AP5Z1: variants seen among roughly 807,000 people sequenced by gnomAD.
AP5Z1 encodes AP-5 complex subunit zeta-1.
A neutral mutation model predicts 83.0 loss-of-function variants in AP5Z1; 106 were observed. That is an observed-to-expected ratio of 1.28 (90% CI 1.09 to 1.50). The LOEUF is 1.50. Ranked by LOEUF, AP5Z1 falls within the 40% of genes most tolerant of loss-of-function variation. The probability of loss-of-function intolerance (pLI) is 0.00; values close to 1 mark genes in which losing one functional copy is unlikely to be tolerated. For missense variants in AP5Z1, 1,565 were observed against 1,094.2 expected, an observed-to-expected ratio of 1.43 and a Z score of -6.07; for synonymous variants, 751 against 514.1, an observed-to-expected ratio of 1.46 and a Z score of -6.23.
intron 5 of AP5Z1, 101 bp from the exon 6 acceptor site, chr7:4,784,102 T>A: frequency 1.4e-6 from 2 of 1,383,476 alleles, no homozygotes. Flanking sequence ...GGGCTCATGT[T>A]CAGGCAGCTT....
chr7:4,790,179 C>G, intron 14 of AP5Z1: 1 of 1,535,882 alleles, frequency 6.5e-7, no homozygotes, highest in Non-Finnish European at 8.7e-7. Context: ...GGTCCCTCTT[C>G]CCCGTCTTGT....
rs1034096459 is a variant in AP5Z1, at chr7:4,781,451, C to T, written c.180-117C>T. 17 of 1,532,664 alleles carry T rather than the reference C, an allele frequency of 1.1e-5. No individual in the cohort carries two copies. The Admixed American group carries it at 1.7e-4, about 15-fold the overall frequency. 94.9% of individuals were successfully genotyped at this position (1,532,664 alleles called of 1,614,324 possible). A position where few individuals can be genotyped will look rare whatever the true frequency, so the allele number is the denominator to read the frequency against. Reference sequence around the variant, plus strand: ...TAAACCAGTGCTGAAGGTCCATCCTCATGTAAAATGCTCTGTCCACTGGCC... The same window carrying T: ...TAAACCAGTGCTGAAGGTCCATCCTTATGTAAAATGCTCTGTCCACTGGCC... On this transcript the variant is annotated intron_variant, in intron 2 of 16. Coordinates refer to ENST00000649063, the MANE Select transcript of AP5Z1 (RefSeq NM_014855.3).
Position 4,775,689 on chromosome 7 carries a change from T to A in AP5Z1, c.-27T>A, listed in dbSNP as rs1490822755. The A allele has an allele frequency of 6.2e-7, 1 of 1,606,540 alleles. No individual in the cohort carries two copies. Among genetic ancestry groups the A allele is most frequent in the Non-Finnish European group, 8.5e-7 (1 of 1,179,688 alleles). On this transcript the variant is annotated 5_prime_UTR_variant, in exon 1 of 17. Coordinates refer to ENST00000649063, the MANE Select transcript of AP5Z1 (RefSeq NM_014855.3). ...CTGCAGCTCCTGGAGTTTCCGAGGT[T>A]CGTGCGCGTCTGGTGGCGGCGGCGT... is the stretch of plus-strand genomic sequence containing the variant.
At chr7:4,778,254 C>A (rs1781277209) in intron 1 of AP5Z1, among the ~76,000 whole-genome samples, 1 of 152,098 alleles carries the variant, frequency 6.6e-6, no homozygotes, top group Non-Finnish European at 1.5e-5. Flanking sequence ...TTGGAGTGAA[C>A]TTTAGTTTCT....
intron 9 of AP5Z1, 35 bp from the exon 10 acceptor site, chr7:4,786,215 C>G (rs761323893): frequency 1.9e-6 from 3 of 1,562,176 alleles, no homozygotes; most frequent in African/African-American, 2.7e-5. Flanking sequence ...AGGGCGAGGT[C>G]AAGACGTGTG....
Position 4,788,897 on chromosome 7 carries a change from G to C in AP5Z1, c.1653G>C (p.Gln551His). 2 of 1,611,212 alleles carry C rather than the reference G, an allele frequency of 1.2e-6. No homozygotes were observed. Among genetic ancestry groups the C allele is most frequent in the Non-Finnish European group, 1.7e-6 (2 of 1,179,418 alleles). The change falls in exon 13 of 17, where the codon CAG (glutamine) becomes CAC (histidine). Residue 551 changes from glutamine (Q) to histidine (H), a missense_variant. By Grantham distance (24) the Gln-to-His change is conservative. Coordinates refer to ENST00000649063, the MANE Select transcript of AP5Z1 (RefSeq NM_014855.3). ...QPMAGCARVA[Q>H]CAQAVPTLLQ... ...TGGCCGGCTGTGCCCGCGTGGCCCA[G>C]TGTGCCCAGGCCGTGCCCACGCTGC...
chr7:4,785,269 G>C (rs1227976627), intron 7 of AP5Z1, 146 bp from the exon 8 acceptor site: 2 of 1,294,958 alleles, frequency 1.5e-6, no homozygotes, highest in Non-Finnish European at 2.1e-6. Flanking sequence ...TGGGCCCCTC[G>C]CCTCAGTCCC....
At position 4,792,385 on chromosome 7, in the gene AP5Z1, G is replaced by GCCCCCAAT. The variant is rs1420462579; in HGVS notation, c.*1007_*1014dup. On this transcript the variant is annotated 3_prime_UTR_variant, in exon 17 of 17. Transcript: ENST00000649063. ...CCACCTCCCCTCCGGCCTCGGCCCC[G>GCCCCCAAT]CCCCCAATCCCCCATAGCTCTGCGA... The GCCCCCAAT allele has an allele frequency of 7.5e-4, 21 of 28,050 alleles. No individual in the cohort carries two copies. The highest frequency in any genetic ancestry group is 3.0e-3 in the African/African-American group (21 of 6,900). The allele number at this position is 28,050 out of a possible 1,614,324, so 1.7% of individuals were successfully genotyped here. A position where few individuals can be genotyped will look rare whatever the true frequency, so the allele number is the denominator to read the frequency against.
chr7:4,785,801 C>G, intron 9 of AP5Z1, 117 bp downstream of exon 9: 3 of 1,307,094 alleles, frequency 2.3e-6, no homozygotes, highest in Non-Finnish European at 3.0e-6. Flanking sequence ...AGACAGGGGT[C>G]TTGCTGTGTT....
rs1426434573 is a variant in AP5Z1 at position 4,792,433 on chromosome 7, C to G, written c.*1048C>G. 3 of 149,680 alleles carry G rather than the reference C, an allele frequency of 2.0e-5. No individual in the cohort carries two copies. In the East Asian group the frequency reaches 6.0e-4, roughly 30 times the overall value. 9.3% of individuals were successfully genotyped at this position (149,680 alleles called of 1,614,324 possible). A position where few individuals can be genotyped will look rare whatever the true frequency, so the allele number is the denominator to read the frequency against. On this transcript the variant is annotated 3_prime_UTR_variant, in exon 17 of 17. Coordinates refer to ENST00000649063, the MANE Select transcript of AP5Z1 (RefSeq NM_014855.3). ...CGACTAAGAAACCACAGGCTGAAGG[C>G]GACTGCAGGGTCCTGCCCCTTGCCC... is the stretch of plus-strand genomic sequence containing the variant.
chr7:4,777,922 G>A (rs1464599948), intron 1 of AP5Z1, among the ~76,000 whole-genome samples: 1 of 152,214 alleles, frequency 6.6e-6, no homozygotes, highest in Non-Finnish European at 1.5e-5. Flanking sequence ...TGAGGGTTAA[G>A]GTTTGGAGCC....
In AP5Z1 at chr7:4,793,283, AG is replaced by A. The variant is rs1321836483; in HGVS notation, c.*1899del. 1 of 152,282 alleles carries A rather than the reference AG, an allele frequency of 6.6e-6. No homozygotes were observed. The highest frequency in any genetic ancestry group is 2.4e-5 in the African/African-American group (1 of 41,480). The allele number at this position is 152,282 out of a possible 1,614,324, so 9.4% of individuals were successfully genotyped here. On this transcript the variant is annotated 3_prime_UTR_variant, in exon 17 of 17. Transcript: ENST00000649063. ...TTTTTTTTAAATAAACTGAAATTTT[AG>A]AATAGTTTTTCAGATTTACAGAAAA... is the stretch of plus-strand genomic sequence containing the variant.
Position 4,788,287 on chromosome 7 carries a change from A to C in AP5Z1, c.1588A>C (p.Thr530Pro), listed in dbSNP as rs758873012. The C allele has an allele frequency of 5.0e-6, 8 of 1,589,734 alleles. No individual in the cohort carries two copies. The African/African-American group carries it at 8.1e-5, about 16-fold the overall frequency. ...YLLRPKASGA[T>P]ERLAPLHQLL... ...GCTGCGCCCCAAGGCCAGTGGCGCCACTGAGAGGTACGGGGCCCTAGGGCC... is the reference window on the plus strand; with the variant it reads ...GCTGCGCCCCAAGGCCAGTGGCGCCCCTGAGAGGTACGGGGCCCTAGGGCC... The change falls in exon 12 of 17, where the codon ACT becomes CCT. Residue 530 changes from threonine to proline, a missense_variant. By Grantham distance (38) the Thr-to-Pro change is conservative. Coordinates refer to ENST00000649063, the MANE Select transcript of AP5Z1 (RefSeq NM_014855.3).
chr7:4,777,075 A>G (rs1781248651), intron 1 of AP5Z1, among the ~76,000 whole-genome samples: 1 of 152,212 alleles, frequency 6.6e-6, no homozygotes, highest in Admixed American at 6.5e-5. Flanking sequence ...AATAACCCTT[A>G]AGAGTCCACT....
rs375730529 is a variant in AP5Z1, at chr7:4,775,693, G to T, written c.-23G>T. 2.5e-5 allele frequency: 40 copies of T among 1,606,658 alleles called. No homozygotes were observed. Among genetic ancestry groups the T allele is most frequent in the African/African-American group, 1.3e-5 (1 of 74,928 alleles). ...AGCTCCTGGAGTTTCCGAGGTTCGT[G>T]CGCGTCTGGTGGCGGCGGCGTGATG... On this transcript the variant is annotated 5_prime_UTR_variant, in exon 1 of 17. Transcript: ENST00000649063.
At chr7:4,778,429 C>G (rs1781281437) in intron 1 of AP5Z1, among the ~76,000 whole-genome samples, 1 of 152,116 alleles carries the variant, frequency 6.6e-6, no homozygotes, top group Non-Finnish European at 1.5e-5. Context: ...CCTCAGCCCA[C>G]TAGCTCGGGA....
intron 13 of AP5Z1, among the ~76,000 whole-genome samples, chr7:4,789,398 T>C (rs1781671298): frequency 6.6e-6 from 1 of 151,786 alleles, no homozygotes; most frequent in Admixed American, 6.6e-5. Context: ...AGCATCCCCA[T>C]CTGAGGCCAA....
In AP5Z1 at chr7:4,783,679, C is replaced by G; in HGVS notation, c.512-10C>G. The G allele has an allele frequency of 6.5e-7, 1 of 1,548,916 alleles. No individual in the cohort carries two copies. The highest frequency in any genetic ancestry group is 8.7e-7 in the Non-Finnish European group (1 of 1,145,626). On this transcript the variant is annotated splice_polypyrimidine_tract_variant and intron_variant, in intron 4 of 16. Coordinates refer to ENST00000649063, the MANE Select transcript of AP5Z1 (RefSeq NM_014855.3). ...AACCTCACCTCCCCATGCCACCCCA[C>G]CCACTGCAGACCAGGCCACCCTGCT...
chr7:4,791,355 G>T lies in AP5Z1; in HGVS notation c.2394G>T (p.Val798=), dbSNP rs765742740. ...CCCTGCGCACGGTCAGCCGGCTGGT[G>T]GAGAGGGAGGCCGGCCTCATGCCAG... is the stretch of plus-strand genomic sequence containing the variant. ...PLALRTVSRL[V]EREAGLMPG is the part of the protein sequence containing the mutation. Residue 798 remains valine, a synonymous_variant, in exon 17 of 17, where the codon GTG becomes GTT. Coordinates refer to ENST00000649063, the MANE Select transcript of AP5Z1 (RefSeq NM_014855.3). 15 of 1,608,316 alleles carry T rather than the reference G, an allele frequency of 9.3e-6. No individual in the cohort carries two copies. Among genetic ancestry groups the T allele is most frequent in the Non-Finnish European group, 1.1e-5 (13 of 1,177,998 alleles).
Sources: allele counts gnomAD v4.1 joint callset (sites outside exome capture counted in the v4.1 genomes callset), GRCh38; gene constraint gnomAD v4.1.1; transcripts MANE v1.5; gene names NCBI Gene and HGNC (gene_info 2026-07-23, HGNC 2026-07-21).